EP300: variants seen among roughly 807,000 people sequenced by gnomAD.
EP300 encodes the protein histone acetyltransferase p300.
EP300 carries 31 observed loss-of-function variants against 264.0 expected under a neutral mutation model. The observed-to-expected ratio is 0.12, with a 90% CI of 0.09 to 0.16. The LOEUF (loss-of-function observed/expected upper bound fraction) is 0.16, where lower values mean the gene tolerates loss of function less well. Among genes scored for constraint, EP300 ranks in the 10% least tolerant of loss-of-function variants. EP300 has a pLI of 1.00. For synonymous variants in EP300, 1,340 were observed against 1,045.4 expected (o/e 1.28, Z -5.44); for missense variants, 2,766 against 3,052.9 (o/e 0.91, Z 2.21).
intron 3 of EP300, chr22:41,126,434 A>T: frequency 5.6e-6 from 1 of 177,884 alleles, no homozygotes; most frequent in Non-Finnish European, 1.2e-5. Context: ...ATTTGATTCT[A>T]CTACACCCAA....
chr22:41,135,390 A>T (rs1192433363), intron 6 of EP300, among the ~76,000 whole-genome samples: 1 of 151,928 alleles, frequency 6.6e-6, no homozygotes, highest in Non-Finnish European at 1.5e-5. Flanking sequence ...ATGTACTTTT[A>T]TATATATGCA....
chr22:41,097,117 T>C (rs1284602345), intron 1 of EP300, among the ~76,000 whole-genome samples: 1 of 152,252 alleles, frequency 6.6e-6, no homozygotes, highest in Non-Finnish European at 1.5e-5. Flanking sequence ...GGCATTTCTC[T>C]CCTCAGTATT....
At chr22:41,160,440 AC>A (rs1283181725) in intron 19 of EP300, 25 of 541,964 alleles carry the variant, frequency 4.6e-5, no homozygotes, top group African/African-American at 3.1e-4. Context: ...ACAAAAAAAA[AC>A]AAAAAAACAA....
intron 1 of EP300, among the ~76,000 whole-genome samples, chr22:41,093,393 G>C (rs1458496824): frequency 6.6e-6 from 1 of 152,194 alleles, no homozygotes; most frequent in East Asian, 1.9e-4. Context: ...TTTAATTTGG[G>C]AAATGCCAAT....
Position 41,150,294 on chromosome 22 carries a change from T to C in EP300, c.2817+96T>C, listed in dbSNP as rs1159916754. Reference sequence around the variant, plus strand: ...TTCCATTCTCTTTTGCTTTATCTCTTACTGTTTTCTCCACAAGTAGAATGT... The same window carrying C: ...TTCCATTCTCTTTTGCTTTATCTCTCACTGTTTTCTCCACAAGTAGAATGT... On this transcript the variant is annotated intron_variant, in intron 14 of 30. Transcript: ENST00000263253. 3 of 1,362,510 alleles carry C rather than the reference T, an allele frequency of 2.2e-6. No individual in the cohort carries two copies. The East Asian group carries it at 7.5e-5, about 34-fold the overall frequency. 84.4% of individuals were successfully genotyped at this position (1,362,510 alleles called of 1,614,324 possible).
intron 1 of EP300, among the ~76,000 whole-genome samples, chr22:41,094,310 GT>G (rs1387837196): frequency 6.6e-6 from 1 of 152,170 alleles, no homozygotes; most frequent in Non-Finnish European, 1.5e-5. Context: ...GGAGTTAAAT[GT>G]ACCCTTTGAG....
chr22:41,131,791 C>T (rs375831531), intron 6 of EP300, among the ~76,000 whole-genome samples, 158 bp downstream of exon 6: 78 of 152,224 alleles, frequency 5.1e-4, no homozygotes, highest in African/African-American at 1.7e-3. Context: ...AGTTCATCTA[C>T]GAGAGGTAAC....
intron 27 of EP300, 22 bp from the exon 28 acceptor site, chr22:41,172,477 A>G: frequency 6.3e-7 from 1 of 1,589,082 alleles, no homozygotes; most frequent in South Asian, 1.1e-5. Flanking sequence ...AAATTCCTAT[A>G]TGTACATGCA....
At chr22:41,140,114 A>G (rs1209636262) in intron 8 of EP300, 26 bp from the exon 9 acceptor site, 1 of 1,484,642 alleles carries the variant, frequency 6.7e-7, no homozygotes, top group South Asian at 1.1e-5. Flanking sequence ...ACATGATATT[A>G]CAGTGGTAGG....
intron 19 of EP300, chr22:41,160,372 T>A (rs1252516807): frequency 2.3e-6 from 1 of 425,614 alleles, no homozygotes; most frequent in Non-Finnish European, 4.4e-6. Context: ...GTTTTGTGTT[T>A]TTTTTTCTCC....
intron 19 of EP300, chr22:41,159,148 A>C: frequency 6.5e-6 from 1 of 152,944 alleles, no homozygotes; most frequent in Admixed American, 6.5e-5. Flanking sequence ...TCTTAACCAC[A>C]ATTTGTCTCC....
At chr22:41,145,991 A>G (rs2059008651) in intron 10 of EP300, among the ~76,000 whole-genome samples, 2 of 151,982 alleles carry the variant, frequency 1.3e-5, no homozygotes, top group Non-Finnish European at 2.9e-5. Flanking sequence ...TAATATGCAT[A>G]TTATTTAAAA....
At chr22:41,097,232 T>C (rs2058707364) in intron 1 of EP300, among the ~76,000 whole-genome samples, 1 of 152,246 alleles carries the variant, frequency 6.6e-6, no homozygotes. Flanking sequence ...CTCTGGTTGA[T>C]AGTGAGATAA....
At chr22:41,147,733 G>A (rs1442089783) in intron 11 of EP300, 104 bp from the exon 12 acceptor site, 38 of 856,544 alleles carry the variant, frequency 4.4e-5, no homozygotes, top group East Asian at 1.3e-4. Context: ...GCAAGACTCC[G>A]TCTCAAAAAA....
At chr22:41,097,456 CA>C (rs879871450) in intron 1 of EP300, among the ~76,000 whole-genome samples, 73 of 151,756 alleles carry the variant, frequency 4.8e-4, no homozygotes, top group Non-Finnish European at 8.8e-4. Context: ...TTAATAAAAA[CA>C]AAAAAATGGA....
At position 41,149,880 on chromosome 22, in the gene EP300, G is replaced by A. The variant is rs35560602; in HGVS notation, c.2499G>A (p.Ser833=). 3.0e-3 allele frequency: 4,855 copies of A among 1,613,596 alleles called. 120 individuals carry two copies. In the African/African-American group the frequency reaches 0.055, roughly 18 times the overall value. Residue 833 remains serine (S), a synonymous_variant, in exon 14 of 31, where the codon TCG becomes TCA. Transcript: ENST00000263253. ...CAGCTCTTCATCAGAATTCACCCTCGCCTGTACCTAGTCGTACCCCCACCC... is the reference window on the plus strand; with the variant it reads ...CAGCTCTTCATCAGAATTCACCCTCACCTGTACCTAGTCGTACCCCCACCC... ...PQPALHQNSP[S]PVPSRTPTPH...
intron 18 of EP300, 123 bp downstream of exon 18, chr22:41,157,531 T>C: frequency 7.9e-7 from 1 of 1,261,704 alleles, no homozygotes; most frequent in Non-Finnish European, 1.1e-6. Context: ...TTTTTTTTTT[T>C]TTTCCTTTTT....
intron 1 of EP300, among the ~76,000 whole-genome samples, chr22:41,099,283 T>C (rs1386726724): frequency 1.3e-5 from 2 of 151,970 alleles, no homozygotes; most frequent in African/African-American, 4.8e-5. Context: ...TCCACCCACC[T>C]CGGCCTCCCA....
chr22:41,158,459 C>T lies in EP300; in HGVS notation c.3549C>T (p.Cys1183=), dbSNP rs2145749664. The change falls in exon 19 of 31, where the codon TGC becomes TGT. Residue 1183 remains cysteine (C), a synonymous_variant. Coordinates refer to ENST00000263253, the MANE Select transcript of EP300 (RefSeq NM_001429.4). The part of the protein sequence containing the change: ...QTLCCYGKQL[C]TIPRDATYYS... ...TGTGTTGCTACGGCAAACAGTTGTG[C>T]ACAATACCTCGTGATGCCACTTATT... The T allele has an allele frequency of 6.2e-7, 1 of 1,614,152 alleles. No homozygotes were observed. Among genetic ancestry groups the T allele is most frequent in the Non-Finnish European group, 8.5e-7 (1 of 1,180,004 alleles).
Sources: gnomAD v4.1 joint callset for allele counts (sites outside exome capture counted in the v4.1 genomes callset) on GRCh38, gnomAD v4.1.1 for gene constraint, MANE v1.5 for transcripts, NCBI Gene and HGNC (gene_info 2026-07-23, HGNC 2026-07-21) for gene names.